Variants in IDH3A observed in about 807,000 individuals in gnomAD.
IDH3A encodes the protein isocitrate dehydrogenase (NAD(+)) 3 catalytic subunit alpha, also known as isocitrate dehydrogenase [NAD] subunit alpha, mitochondrial.
In IDH3A, 23 loss-of-function variants were observed where a neutral mutation model predicts 43.3. That is an observed-to-expected ratio of 0.53 (90% confidence interval 0.38 to 0.75). IDH3A has a LOEUF of 0.75. Ranked by LOEUF, IDH3A falls within the 30% of genes least tolerant of loss-of-function variation. The pLI is 0.00. For missense variants in IDH3A, 329 were observed against 474.4 expected (o/e 0.69, Z 2.85); for synonymous variants, 154 against 163.5 (o/e 0.94, Z 0.44).
In IDH3A at chr15:78,163,786, T is replaced by A; in HGVS notation, c.779+6T>A. On this transcript the variant is annotated splice_donor_region_variant and intron_variant, in intron 8 of 10. Transcript: ENST00000299518. ...TTGTATGGAGACATCCTTAGGTGAG[T>A]CTGGCTGCAACCTATTTATTTTAGC... 6.3e-7 allele frequency: 1 copy of A among 1,591,306 alleles called. No homozygotes were observed. Among genetic ancestry groups the A allele is most frequent in the Non-Finnish European group, 8.6e-7 (1 of 1,159,406 alleles).
chr15:78,152,013 T>G (rs1250515868), intron 1 of IDH3A, among the ~76,000 whole-genome samples: 1 of 151,778 alleles, frequency 6.6e-6, no homozygotes, highest in Non-Finnish European at 1.5e-5. Flanking sequence ...CTTTTCCCTC[T>G]TTTTTGGGCT....
intron 9 of IDH3A, among the ~76,000 whole-genome samples, chr15:78,165,609 T>C (rs973757762): frequency 1.3e-5 from 2 of 152,190 alleles, no homozygotes; most frequent in African/African-American, 2.4e-5. Flanking sequence ...TTACCAAAAA[T>C]TGACTGAAAA....
chr15:78,158,448 C>CACATATATATATATATATATATAT (rs763962799), intron 3 of IDH3A, among the ~76,000 whole-genome samples: 5 of 28,238 alleles, frequency 1.8e-4, no homozygotes, highest in African/African-American at 7.8e-4. Context: ...TACATACATA[C>CACATATATATATATATATATATAT]ATATATATAT....
rs2074634720 is a variant in IDH3A at position 78,157,563 on chromosome 15, T to G, written c.106T>G (p.Leu36Val). 6.2e-7 allele frequency: 1 copy of G among 1,611,710 alleles called. No individual in the cohort carries two copies. Among genetic ancestry groups the G allele is most frequent in the African/African-American group, 1.3e-5 (1 of 74,992 alleles). The stretch of plus-strand genomic sequence containing the variant: ...TTATGTTCAGGTTCAGACAGTAACT[T>G]TAATTCCAGGAGATGGTATTGGCCC... ...GFTGGVQTVT[L>V]IPGDGIGPEI... The change falls in exon 3 of 11, where the codon TTA becomes GTA. Residue 36 changes from leucine to valine, a missense_variant. By Grantham distance (32) the Leu-to-Val change is conservative. Around this residue, in one of 3 missense-constraint regions of IDH3A, gnomAD observed 212 missense variants for 345.5 expected, o/e 0.61. Transcript: ENST00000299518.
At chr15:78,165,103 A>T in intron 9 of IDH3A, 27 bp downstream of exon 9, 1 of 1,440,654 alleles carries the variant, frequency 6.9e-7, no homozygotes, top group Non-Finnish European at 9.8e-7. Context: ...CTGAAACAGA[A>T]CTCAGGTCAG....
intron 3 of IDH3A, 119 bp from the exon 4 acceptor site, chr15:78,159,973 C>T (rs1385380095): frequency 1.5e-5 from 10 of 660,160 alleles, no homozygotes; most frequent in Middle Eastern, 2.5e-4. Context: ...CTAGCCTAGG[C>T]GACAGAGCGG....
intron 4 of IDH3A, among the ~76,000 whole-genome samples, chr15:78,160,896 T>C (rs1019795740): frequency 6.6e-6 from 1 of 152,092 alleles, no homozygotes; most frequent in African/African-American, 2.4e-5. Context: ...TTTATTTTTA[T>C]ATTTTTTGAG....
intron 3 of IDH3A, among the ~76,000 whole-genome samples, chr15:78,158,911 C>T (rs932828879): frequency 6.6e-6 from 1 of 152,112 alleles, no homozygotes; most frequent in Non-Finnish European, 1.5e-5. Context: ...TGGCTCACTG[C>T]AACCTCCGTC....
intron 9 of IDH3A, 130 bp downstream of exon 9, chr15:78,165,206 T>TC (rs2074725737): frequency 1.5e-6 from 1 of 661,506 alleles, no homozygotes; most frequent in Non-Finnish European, 2.7e-6. Flanking sequence ...TTTTTTTTTT[T>TC]CTCGAGACGG....
chr15:78,163,718 G>A lies in IDH3A; in HGVS notation c.717G>A (p.Met239Ile). The change falls in exon 8 of 11, where the codon ATG becomes ATA. Residue 239 changes from methionine to isoleucine, a missense_variant and splice_region_variant. Physicochemically the swap from Met to Ile is conservative, Grantham distance 10. This residue lies in a region of IDH3A where 212 missense variants were observed against 345.5 expected (regional missense o/e 0.61). Coordinates refer to ENST00000299518, the MANE Select transcript of IDH3A (RefSeq NM_005530.3). The stretch of plus-strand genomic sequence containing the variant: ...ATGCACAAATGTATTCCTTGTAGAT[G>A]GTACAAGATCCTTCCCAATTTGATG... The part of the protein sequence containing the change: ...EMYLDTVCLN[M>I]VQDPSQFDVL... The A allele has an allele frequency of 6.2e-7, 1 of 1,610,972 alleles. No individual in the cohort carries two copies. The highest frequency in any genetic ancestry group is 8.5e-7 in the Non-Finnish European group (1 of 1,177,278).
At chr15:78,166,349 C>T (rs542673856) in intron 10 of IDH3A, 47 bp downstream of exon 10, 3 of 1,585,130 alleles carry the variant, frequency 1.9e-6, no homozygotes, top group African/African-American at 2.7e-5. Context: ...TGCATTGCTT[C>T]CATGTGTTTT....
chr15:78,168,192 C>CAGG (rs2074771725), intron 10 of IDH3A: 1 of 151,142 alleles, frequency 6.6e-6, no homozygotes, highest in Non-Finnish European at 1.5e-5. Flanking sequence ...TAGGCTGAGG[C>CAGG]AGGAGGATCA....
chr15:78,164,517 A>C (rs1157878201), intron 8 of IDH3A, among the ~76,000 whole-genome samples: 1 of 151,930 alleles, frequency 6.6e-6, no homozygotes, highest in Non-Finnish European at 1.5e-5. Flanking sequence ...ACACCTGGCT[A>C]ATTTTTGTAT....
rs1184513434 is a variant in IDH3A, at chr15:78,171,151, A to G, written c.*2146A>G. ...CAGCTTTTTAATCTACCTGGAACTA[A>G]GGCCAAAAATTATCAGCCCTTTCGT... On this transcript the variant is annotated 3_prime_UTR_variant, in exon 11 of 11. Coordinates refer to ENST00000299518, the MANE Select transcript of IDH3A (RefSeq NM_005530.3). 1 of 266,328 alleles carries G rather than the reference A, an allele frequency of 3.8e-6. No individual in the cohort carries two copies. The highest frequency in any genetic ancestry group is 2.2e-5 in the African/African-American group (1 of 45,266). 16.5% of individuals were successfully genotyped at this position (266,328 alleles called of 1,614,324 possible).
chr15:78,160,499 T>G (rs2074670994), intron 4 of IDH3A, among the ~76,000 whole-genome samples: 2 of 152,202 alleles, frequency 1.3e-5, no homozygotes, highest in Admixed American at 6.5e-5. Flanking sequence ...ATTTATTTAC[T>G]TAATTTTTTT....
rs985695910 is a variant in IDH3A at position 78,170,113 on chromosome 15, G to C, written c.*1108G>C. The C allele has an allele frequency of 7.9e-5, 12 of 152,192 alleles. No homozygotes were observed. The highest frequency in any genetic ancestry group is 1.7e-4 in the African/African-American group (7 of 41,436). 9.4% of individuals were successfully genotyped at this position (152,192 alleles called of 1,614,324 possible). On this transcript the variant is annotated 3_prime_UTR_variant, in exon 11 of 11. Transcript: ENST00000299518. ...TAATTCACAAAATTATGCCATGCTG[G>C]GGCTTGAGCTTGAGCTTGGGCTTAG...
Position 78,171,421 on chromosome 15 carries a change from G to T in IDH3A, c.*2416G>T. The T allele has an allele frequency of 6.2e-7, 1 of 1,603,036 alleles. No individual in the cohort carries two copies. Among genetic ancestry groups the T allele is most frequent in the South Asian group, 1.1e-5 (1 of 90,766 alleles). On this transcript the variant is annotated 3_prime_UTR_variant, in exon 11 of 11. Transcript: ENST00000299518. ...CGGAACGCCTGCCCTCTATTCTATA[G>T]AAACTGCAGGCATAGGCCCTGATTA...
chr15:78,153,860 A>C (rs529919128), intron 1 of IDH3A, among the ~76,000 whole-genome samples: 1 of 152,272 alleles, frequency 6.6e-6, no homozygotes, highest in East Asian at 1.9e-4. Context: ...CTCTACTAAA[A>C]ATACAACAAG....
chr15:78,158,013 TGTAAA>T (rs1485240270), intron 3 of IDH3A, among the ~76,000 whole-genome samples: 2 of 152,116 alleles, frequency 1.3e-5, no homozygotes, highest in African/African-American at 4.8e-5. Flanking sequence ...ATCAGTTATA[TGTAAA>T]GTAATCAAAG....
Sources: gnomAD v4.1 joint callset for allele counts (sites outside exome capture counted in the v4.1 genomes callset) on GRCh38, gnomAD v4.1.1 for gene constraint, gnomAD v4.1.1 regional missense constraint, MANE v1.5 for transcripts, NCBI Gene and HGNC (gene_info 2026-07-23, HGNC 2026-07-21) for gene names.